Variants in SLC25A26 observed in about 807,000 individuals in gnomAD.
SLC25A26 encodes mitochondrial S-adenosylmethionine carrier protein.
Under a neutral mutation model 37.8 loss-of-function variants are expected in SLC25A26, and 36 were observed. The ratio of observed to expected loss-of-function variants is 0.95; its 90% CI spans 0.73 to 1.26. The LOEUF (loss-of-function observed/expected upper bound fraction) is 1.26. Ranked by LOEUF, SLC25A26 falls within the 50% of genes most tolerant of loss-of-function variation. The pLI, the probability that SLC25A26 is intolerant of heterozygous loss-of-function variation, is 0.00. For missense variants in SLC25A26, 390 were observed against 331.1 expected, an observed-to-expected ratio of 1.18 and a Z score of -1.38; for synonymous variants, 129 against 122.5, an observed-to-expected ratio of 1.05 and a Z score of -0.35.
chr3:66,253,251 G>GA (rs2073163262), intron 3 of SLC25A26, among the ~76,000 whole-genome samples: 1 of 150,930 alleles, frequency 6.6e-6, no homozygotes, highest in Admixed American at 6.6e-5. Context: ...AAAAAAAAAA[G>GA]CAAAAAAAAG....
chr3:66,297,794 C>T (rs2074952241), intron 5 of SLC25A26, among the ~76,000 whole-genome samples: 1 of 152,198 alleles, frequency 6.6e-6, no homozygotes, highest in Non-Finnish European at 1.5e-5. Flanking sequence ...TATTTATTAT[C>T]TGACTCTTTA....
chr3:66,183,200 C>T (rs187387537), intron 1 of SLC25A26, among the ~76,000 whole-genome samples: 166 of 152,070 alleles, frequency 1.1e-3, no homozygotes, highest in African/African-American at 3.8e-3. Flanking sequence ...CTGACCCTGA[C>T]CCTGATTTTG....
intron 1 of SLC25A26, among the ~76,000 whole-genome samples, chr3:66,228,959 C>G (rs1345630277): frequency 6.6e-6 from 1 of 152,086 alleles, no homozygotes; most frequent in Non-Finnish European, 1.5e-5. Flanking sequence ...GCTTTTAATT[C>G]ATTATTGCTA....
Position 66,174,148 on chromosome 3 carries a change from C to G in SLC25A26, c.-354+40164C>G, listed in dbSNP as rs138843321. Among the ~76,000 whole-genome samples, 181 of 152,028 alleles carry G rather than the reference C, an allele frequency of 1.2e-3. 2 individuals are homozygous for G. Among genetic ancestry groups the G allele is most frequent in the African/African-American group, 4.3e-3 (178 of 41,498 alleles). On this transcript the variant is annotated intron_variant, in intron 1 of 10. Transcript: ENST00000676754. ...AGTAGCAGAAAACAGATAGGATGCT[C>G]CTGTTCAGTATTCCTCCAAACAAGA...
chr3:66,175,141 A>ATAT (rs1559561007), intron 1 of SLC25A26, among the ~76,000 whole-genome samples: 4 of 58,256 alleles, frequency 6.9e-5, no homozygotes, highest in African/African-American at 4.1e-4. Context: ...ATATATATAT[A>ATAT]CACACACACA....
At chr3:66,231,763 A>AT (rs377239684) in intron 1 of SLC25A26, among the ~76,000 whole-genome samples, 129,942 of 137,842 alleles carry the variant, frequency 0.94, 61,405 homozygotes, top group Non-Finnish European at 0.97. Flanking sequence ...GGTTTACCTC[A>AT]TTTTTTTTTT....
At chr3:66,276,621 T>C (rs1239612209) in intron 5 of SLC25A26, among the ~76,000 whole-genome samples, 1 of 125,224 alleles carries the variant, frequency 8.0e-6, no homozygotes, top group African/African-American at 4.6e-5. Flanking sequence ...TTTTGACTGA[T>C]TGTAGTCTGT....
intron 1 of SLC25A26, among the ~76,000 whole-genome samples, chr3:66,209,061 T>C (rs1374923778): frequency 1.8e-3 from 48 of 26,982 alleles, no homozygotes; most frequent in African/African-American, 5.6e-3. Context: ...TATATATATA[T>C]ATATACACAC....
At chr3:66,324,973 CA>C (rs772862488) in intron 5 of SLC25A26, among the ~76,000 whole-genome samples, 53 of 152,100 alleles carry the variant, frequency 3.5e-4, no homozygotes, top group Middle Eastern at 3.2e-3. Flanking sequence ...CAGGAATTCA[CA>C]AATAAATGTG....
chr3:66,174,177 A>G (rs1028388434), intron 1 of SLC25A26, among the ~76,000 whole-genome samples: 1 of 152,236 alleles, frequency 6.6e-6, no homozygotes, highest in African/African-American at 2.4e-5. Context: ...AACAAGACTT[A>G]TTTAATTCTT....
At chr3:66,350,138 C>T (rs1442910111) in intron 6 of SLC25A26, among the ~76,000 whole-genome samples, 2 of 152,094 alleles carry the variant, frequency 1.3e-5, no homozygotes, top group African/African-American at 2.4e-5. Context: ...AAGGATTTCT[C>T]CACTGTGTTT....
At chr3:66,370,782 C>G (rs77381133) in intron 9 of SLC25A26, among the ~76,000 whole-genome samples, 180 bp downstream of exon 9, 1 of 152,124 alleles carries the variant, frequency 6.6e-6, no homozygotes, top group Admixed American at 6.5e-5. Context: ...ATCAAATTGA[C>G]GGATTATTCC....
intron 5 of SLC25A26, among the ~76,000 whole-genome samples, chr3:66,294,100 A>G (rs1019903119): frequency 3.3e-5 from 5 of 152,126 alleles, no homozygotes; most frequent in Non-Finnish European, 7.3e-5. Context: ...AATCTATTAT[A>G]TAAATTGCTT....
At chr3:66,298,042 C>T (rs985636324) in intron 5 of SLC25A26, among the ~76,000 whole-genome samples, 2 of 152,166 alleles carry the variant, frequency 1.3e-5, no homozygotes, top group African/African-American at 4.8e-5. Context: ...CAGCTGCATT[C>T]CCTAGGAACT....
intron 1 of SLC25A26, among the ~76,000 whole-genome samples, chr3:66,168,056 G>A (rs1051609729): frequency 3.9e-4 from 59 of 151,258 alleles, no homozygotes; most frequent in African/African-American, 1.4e-3. Flanking sequence ...ATGAGGCCGA[G>A]GCAGGAAAAT....
At chr3:66,289,743 C>T (rs912573301) in intron 5 of SLC25A26, among the ~76,000 whole-genome samples, 2 of 152,150 alleles carry the variant, frequency 1.3e-5, no homozygotes, top group Admixed American at 6.5e-5. Context: ...AGTTTGAAGT[C>T]AGGTAGCGTG....
intron 1 of SLC25A26, among the ~76,000 whole-genome samples, chr3:66,161,955 C>A (rs1188599189): frequency 6.6e-6 from 1 of 152,204 alleles, no homozygotes; most frequent in Non-Finnish European, 1.5e-5. Flanking sequence ...TCGGGGAATT[C>A]ATGGAAGACT....
At chr3:66,347,469 AAAC>A (rs1327010279) in intron 6 of SLC25A26, among the ~76,000 whole-genome samples, 3 of 152,176 alleles carry the variant, frequency 2.0e-5, no homozygotes, top group Non-Finnish European at 4.4e-5. Flanking sequence ...AAAAGTCAAG[AAAC>A]AACAGATGCT....
At chr3:66,289,198 A>G (rs2074619176) in intron 5 of SLC25A26, among the ~76,000 whole-genome samples, 1 of 151,188 alleles carries the variant, frequency 6.6e-6, no homozygotes, top group Non-Finnish European at 1.5e-5. Flanking sequence ...TGTAAATTTA[A>G]GTTCCTTGTA....
Sources: gnomAD v4.1 joint callset for allele counts (sites outside exome capture counted in the v4.1 genomes callset) on GRCh38, gnomAD v4.1.1 for gene constraint, MANE v1.5 for transcripts, NCBI Gene and HGNC (gene_info 2026-07-23, HGNC 2026-07-21) for gene names.